The following SCHIP1 variants were observed in gnomAD, a reference collection of about 807,000 sequenced individuals.
SCHIP1 encodes schwannomin interacting protein 1, also known as schwannomin-interacting protein 1.
A neutral mutation model predicts 29.7 loss-of-function variants in SCHIP1; 8 were observed. The ratio of observed to expected loss-of-function variants is 0.27; its 90% CI spans 0.16 to 0.49. The LOEUF is 0.49. Ranked by LOEUF, SCHIP1 falls within the 20% of genes least tolerant of loss-of-function variation. SCHIP1 has a pLI of 0.99. For missense variants in SCHIP1, 193 were observed against 294.6 expected, an observed-to-expected ratio of 0.66 and a Z score of 2.52; for synonymous variants, 76 against 94.9, an observed-to-expected ratio of 0.80 and a Z score of 1.16.
At chr3:159,885,423 G>C (rs1437592155) in intron 2 of SCHIP1, among the ~76,000 whole-genome samples, 1 of 152,242 alleles carries the variant, frequency 6.6e-6, no homozygotes, top group Non-Finnish European at 1.5e-5. Flanking sequence ...TGTGCAGCCT[G>C]GCCTGCGAGT....
chr3:159,510,370 T>G, the SCHIP1 span, among the ~76,000 whole-genome samples: 1 of 152,224 alleles, frequency 6.6e-6, no homozygotes, highest in Non-Finnish European at 1.5e-5. Flanking sequence ...CCCATTCGTC[T>G]AATCTTTTTT....
the SCHIP1 span, among the ~76,000 whole-genome samples, chr3:159,687,138 A>T: frequency 6.6e-6 from 1 of 152,146 alleles, no homozygotes; most frequent in South Asian, 2.1e-4. Context: ...GAGGTGCAGC[A>T]TGGACTGCCT....
At chr3:159,407,245 A>T in the SCHIP1 span, among the ~76,000 whole-genome samples, 3 of 152,228 alleles carry the variant, frequency 2.0e-5, no homozygotes, top group Non-Finnish European at 4.4e-5. Context: ...CTATACTTAT[A>T]TCAGACAAAA....
chr3:159,854,241 C>A (rs568643521), intron 1 of SCHIP1, among the ~76,000 whole-genome samples: 218 of 152,298 alleles, frequency 1.4e-3, no homozygotes, highest in Non-Finnish European at 8.5e-4. Context: ...AACAGTAAAA[C>A]TTGCTACTTA....
At chr3:159,831,312 G>A in the SCHIP1 span, among the ~76,000 whole-genome samples, 1 of 152,042 alleles carries the variant, frequency 6.6e-6, no homozygotes, top group Non-Finnish European at 1.5e-5. Flanking sequence ...ACTTGATCTA[G>A]GCTTAACAAA....
the SCHIP1 span, among the ~76,000 whole-genome samples, chr3:159,337,049 C>A: frequency 6.6e-6 from 1 of 152,082 alleles, no homozygotes; most frequent in African/African-American, 2.4e-5. Context: ...TCAACATACG[C>A]AAATCAATAA....
chr3:159,583,059 G>GA, the SCHIP1 span, among the ~76,000 whole-genome samples: 2 of 151,926 alleles, frequency 1.3e-5, no homozygotes, highest in Non-Finnish European at 2.9e-5. Flanking sequence ...CAACATTTCT[G>GA]AAAAAATGAT....
chr3:159,822,335 A>C, the SCHIP1 span, among the ~76,000 whole-genome samples: 1 of 152,132 alleles, frequency 6.6e-6, no homozygotes, highest in Non-Finnish European at 1.5e-5. Context: ...AGAGTACAGA[A>C]TGGTGAAAAG....
the SCHIP1 span, among the ~76,000 whole-genome samples, chr3:159,381,498 C>G: frequency 1.3e-5 from 2 of 152,284 alleles, 1 homozygote; most frequent in African/African-American, 4.8e-5. Flanking sequence ...ATCCAAAAAC[C>G]CTTGATGGTG....
the SCHIP1 span, among the ~76,000 whole-genome samples, chr3:159,553,370 C>G: frequency 2.0e-5 from 3 of 151,650 alleles, no homozygotes; most frequent in Admixed American, 6.6e-5. Flanking sequence ...AAAGGTTTTA[C>G]ACAGATTCAG....
chr3:159,287,055 C>T, the SCHIP1 span, among the ~76,000 whole-genome samples: 4 of 151,902 alleles, frequency 2.6e-5, no homozygotes, highest in South Asian at 2.1e-4. Flanking sequence ...TTTACTGTGC[C>T]GAAGCTCTTT....
chr3:159,441,249 T>C, the SCHIP1 span, among the ~76,000 whole-genome samples: 1 of 152,162 alleles, frequency 6.6e-6, no homozygotes, highest in East Asian at 1.9e-4. Flanking sequence ...AGGTTACATG[T>C]TTCATTTGTG....
At chr3:159,765,336 A>T in the SCHIP1 span, 1 of 599,146 alleles carries the variant, frequency 1.7e-6, no homozygotes, top group Non-Finnish European at 2.7e-6. Flanking sequence ...CTGGGTTTGC[A>T]GGATGGGCGG....
chr3:159,566,246 A>C, the SCHIP1 span, among the ~76,000 whole-genome samples: 106 of 152,334 alleles, frequency 7.0e-4, 1 homozygote, highest in South Asian at 8.1e-3. Context: ...TCAGTGCACA[A>C]ATAAGAATGT....
the SCHIP1 span, among the ~76,000 whole-genome samples, chr3:159,342,980 C>G: frequency 6.7e-6 from 1 of 148,780 alleles, no homozygotes; most frequent in Non-Finnish European, 1.5e-5. Flanking sequence ...GGTAACCAGA[C>G]AAACAATTAC....
At chr3:159,785,449 A>G in the SCHIP1 span, among the ~76,000 whole-genome samples, 5 of 152,334 alleles carry the variant, frequency 3.3e-5, no homozygotes, top group African/African-American at 7.2e-5. Context: ...TTCTTCCTAC[A>G]TAACTGAACA....
chr3:159,852,356 C>G (rs1712760291), intron 1 of SCHIP1, among the ~76,000 whole-genome samples: 1 of 152,202 alleles, frequency 6.6e-6, no homozygotes, highest in Non-Finnish European at 1.5e-5. Flanking sequence ...ATTTCTCCTG[C>G]AAACAGTAGC....
chr3:159,305,934 G>C, the SCHIP1 span, among the ~76,000 whole-genome samples: 3 of 152,214 alleles, frequency 2.0e-5, no homozygotes, highest in East Asian at 5.8e-4. Context: ...TTTCTTAATA[G>C]AGTAACAAAT....
At chr3:159,377,254 G>A in the SCHIP1 span, among the ~76,000 whole-genome samples, 217 of 152,212 alleles carry the variant, frequency 1.4e-3, 1 homozygote, top group African/African-American at 5.0e-3. Flanking sequence ...ATCAAGACTG[G>A]GTAGACAACT....
Sources: allele counts gnomAD v4.1 joint callset (sites outside exome capture counted in the v4.1 genomes callset), GRCh38; gene constraint gnomAD v4.1.1; transcripts MANE v1.5; gene names NCBI Gene and HGNC (gene_info 2026-07-23, HGNC 2026-07-21).